The following OXR1 variants were observed in gnomAD, a reference collection of about 807,000 sequenced individuals.
OXR1 encodes oxidation resistance protein 1.
Under a neutral mutation model 104.6 loss-of-function variants are expected in OXR1, and 41 were observed. That is an observed-to-expected ratio of 0.39 (90% CI 0.31 to 0.51). OXR1 has a LOEUF of 0.51. OXR1 is among the 20% of genes least tolerant of loss of function. The pLI, the probability that OXR1 is intolerant of heterozygous loss-of-function variation, is 0.77. For missense variants in OXR1, 955 were observed against 1,031.9 expected (o/e 0.93, Z 1.02); for synonymous variants, 348 against 348.4 (o/e 1.00, Z 0.01).
At chr8:106,637,381 C>A (rs1160095018) in intron 3 of OXR1, among the ~76,000 whole-genome samples, 1 of 151,880 alleles carries the variant, frequency 6.6e-6, no homozygotes, top group Non-Finnish European at 1.5e-5. Flanking sequence ...CAATGAGTAC[C>A]ATTTAAGGAT....
intron 16 of OXR1, among the ~76,000 whole-genome samples, chr8:106,747,021 TTAATA>T (rs1400671028): frequency 6.6e-6 from 1 of 152,160 alleles, no homozygotes; most frequent in African/African-American, 2.4e-5. Context: ...TGATAATAAA[TTAATA>T]TAAGTTTTCA....
intron 3 of OXR1, among the ~76,000 whole-genome samples, chr8:106,568,317 A>G (rs188229095): frequency 3.9e-4 from 59 of 152,278 alleles, no homozygotes; most frequent in African/African-American, 1.4e-3. Context: ...TAAAGTTCCA[A>G]TACTGATTCT....
In OXR1 at chr8:106,536,149, G is replaced by A. The variant is rs531554317; in HGVS notation, c.220+17010G>A. Reference sequence around the variant, plus strand: ...GCAGGAGAATGGCATGAACCTGGGAGACGGAGCTTGCAGTGAGCAGAGATC... The same window carrying A: ...GCAGGAGAATGGCATGAACCTGGGAAACGGAGCTTGCAGTGAGCAGAGATC... On this transcript the variant is annotated intron_variant, in intron 3 of 16. Transcript: ENST00000517566. Among the ~76,000 whole-genome samples the A allele has an allele frequency of 2.3e-4, 35 of 152,008 alleles. No homozygotes were observed. In the South Asian group the frequency reaches 7.3e-3, roughly 32 times the overall value.
chr8:106,482,389 T>C (rs1822181323), intron 2 of OXR1, among the ~76,000 whole-genome samples: 1 of 144,502 alleles, frequency 6.9e-6, no homozygotes, highest in Admixed American at 7.2e-5. Flanking sequence ...TGTGGGATAT[T>C]GGGAAGAACA....
At chr8:106,731,588 C>A (rs1833899679) in intron 11 of OXR1, among the ~76,000 whole-genome samples, 1 of 152,048 alleles carries the variant, frequency 6.6e-6, no homozygotes, top group South Asian at 2.1e-4. Context: ...GACTTTGTCT[C>A]AATTGACTGT....
intron 1 of OXR1, among the ~76,000 whole-genome samples, chr8:106,279,106 C>T (rs946536762): frequency 1.1e-4 from 16 of 152,104 alleles, no homozygotes; most frequent in Admixed American, 2.0e-4. Context: ...TTCTTTCACA[C>T]GACTAAAGTA....
At chr8:106,443,241 A>G (rs1819865619) in intron 2 of OXR1, among the ~76,000 whole-genome samples, 1 of 152,082 alleles carries the variant, frequency 6.6e-6, no homozygotes. Context: ...CCTGAGTTCT[A>G]ATTTCATGGC....
At chr8:106,448,050 T>C (rs1820098697) in intron 2 of OXR1, 8 of 1,535,758 alleles carry the variant, frequency 5.2e-6, no homozygotes, top group Non-Finnish European at 7.0e-6. Context: ...CAGCCCAGGG[T>C]AGGTGGGATC....
At chr8:106,361,163 A>G (rs141566910) in intron 2 of OXR1, among the ~76,000 whole-genome samples, 86 of 152,334 alleles carry the variant, frequency 5.6e-4, no homozygotes, top group African/African-American at 7.5e-4. Context: ...AGAATTTAGT[A>G]GATATTCTGT....
intron 1 of OXR1, among the ~76,000 whole-genome samples, chr8:106,319,958 G>A (rs767730124): frequency 1.4e-4 from 22 of 152,186 alleles, no homozygotes; most frequent in Non-Finnish European, 2.5e-4. Flanking sequence ...AGTTTGAGAG[G>A]TGACCTTTTG....
chr8:106,409,332 G>T (rs887151849), intron 2 of OXR1, among the ~76,000 whole-genome samples: 3 of 152,110 alleles, frequency 2.0e-5, no homozygotes, highest in African/African-American at 7.2e-5. Context: ...GGTCATTGTG[G>T]CTGGTGCCCA....
At chr8:106,590,311 G>A (rs554050748) in intron 3 of OXR1, among the ~76,000 whole-genome samples, 1 of 151,910 alleles carries the variant, frequency 6.6e-6, no homozygotes, top group African/African-American at 2.4e-5. Flanking sequence ...TGTTTGAGAC[G>A]GAGTCTCGCT....
intron 2 of OXR1, among the ~76,000 whole-genome samples, chr8:106,390,889 G>T (rs1817563685): frequency 6.6e-6 from 1 of 152,070 alleles, no homozygotes; most frequent in Non-Finnish European, 1.5e-5. Context: ...ATTTTAATTT[G>T]CTCTTTGGAA....
At chr8:106,676,043 CTTCT>C (rs1827556002) in intron 3 of OXR1, among the ~76,000 whole-genome samples, 1 of 151,960 alleles carries the variant, frequency 6.6e-6, no homozygotes, top group South Asian at 2.1e-4. Flanking sequence ...ATGTAATGCC[CTTCT>C]TTGTCTTTTT....
chr8:106,673,374 A>C (rs1235591425), intron 3 of OXR1, among the ~76,000 whole-genome samples: 1 of 152,188 alleles, frequency 6.6e-6, no homozygotes, highest in East Asian at 1.9e-4. Flanking sequence ...AGAAATTTCT[A>C]AGCAGCAAAG....
intron 1 of OXR1, among the ~76,000 whole-genome samples, chr8:106,297,316 A>G (rs753705490): frequency 1.3e-5 from 2 of 152,128 alleles, no homozygotes; most frequent in African/African-American, 2.4e-5. Context: ...TAATTTTCCT[A>G]AGGAGGAGGA....
intron 1 of OXR1, among the ~76,000 whole-genome samples, chr8:106,318,010 C>T (rs1342401137): frequency 1.3e-5 from 2 of 151,988 alleles, no homozygotes; most frequent in African/African-American, 4.8e-5. Flanking sequence ...TAATATATTC[C>T]TAATGACCAT....
At chr8:106,718,026 C>T (rs1420797371) in intron 11 of OXR1, among the ~76,000 whole-genome samples, 1 of 152,142 alleles carries the variant, frequency 6.6e-6, no homozygotes, top group Non-Finnish European at 1.5e-5. Context: ...AAATTGGATT[C>T]ATTTATCTTT....
At chr8:106,493,301 A>G (rs1381271879) in intron 2 of OXR1, among the ~76,000 whole-genome samples, 2 of 152,126 alleles carry the variant, frequency 1.3e-5, no homozygotes, top group Non-Finnish European at 2.9e-5. Flanking sequence ...ATATACCTGT[A>G]TTCCCTGCAG....
Sources: gnomAD v4.1 joint callset for allele counts (sites outside exome capture counted in the v4.1 genomes callset) on GRCh38, gnomAD v4.1.1 for gene constraint, MANE v1.5 for transcripts, NCBI Gene and HGNC (gene_info 2026-07-23, HGNC 2026-07-21) for gene names.